Variants in INTS15 observed in about 807,000 individuals in gnomAD.
The protein encoded by INTS15 is uncharacterized protein C7orf26.
chr7:6,596,276 G>A, the INTS15 span, among the ~76,000 whole-genome samples: 1 of 151,482 alleles, frequency 6.6e-6, no homozygotes, highest in South Asian at 2.1e-4. Context: ...GGCTGGTCTC[G>A]AACTCCTGAC....
the INTS15 span, among the ~76,000 whole-genome samples, chr7:6,596,397 G>C: frequency 2.2e-3 from 47 of 21,044 alleles, no homozygotes; most frequent in African/African-American, 7.0e-3. Context: ...TTTTTTTTTT[G>C]AGACGGAATC....
chr7:6,602,469 C>G, the INTS15 span, among the ~76,000 whole-genome samples: 2 of 152,172 alleles, frequency 1.3e-5, no homozygotes, highest in Non-Finnish European at 2.9e-5. Context: ...GGAAGTCTCG[C>G]AGAGCCACAG....
the INTS15 span, among the ~76,000 whole-genome samples, chr7:6,590,817 C>CT: frequency 6.6e-6 from 1 of 151,762 alleles, no homozygotes; most frequent in Non-Finnish European, 1.5e-5. Context: ...CTTCTTACAT[C>CT]TTTTTCTTTT....
chr7:6,604,531 A>G, the INTS15 span, among the ~76,000 whole-genome samples: 1 of 152,114 alleles, frequency 6.6e-6, no homozygotes, highest in African/African-American at 2.4e-5. Flanking sequence ...GTCTTTAGCA[A>G]GGAGAAGCAG....
At chr7:6,597,751 A>G in the INTS15 span, among the ~76,000 whole-genome samples, 1 of 152,188 alleles carries the variant, frequency 6.6e-6, no homozygotes, top group Non-Finnish European at 1.5e-5. Flanking sequence ...TTAAGCCAGT[A>G]TGTCCGTTGA....
At chr7:6,600,224 G>T in the INTS15 span, 1 of 1,614,222 alleles carries the variant, frequency 6.2e-7, no homozygotes, top group East Asian at 2.2e-5. Flanking sequence ...GGTCCCGCTG[G>T]TAGAGGAGAT....
the INTS15 span, chr7:6,599,829 A>G: frequency 2.5e-6 from 4 of 1,611,566 alleles, no homozygotes; most frequent in Non-Finnish European, 3.4e-6. Flanking sequence ...TTGTTTGCAG[A>G]TGACCTCATT....
chr7:6,594,494 T>A, the INTS15 span: 1 of 1,614,066 alleles, frequency 6.2e-7, no homozygotes, highest in Non-Finnish European at 8.5e-7. Flanking sequence ...ACTACTGCTG[T>A]TTGGTGCCGG....
the INTS15 span, chr7:6,608,506 C>G: frequency 8.5e-7 from 1 of 1,179,616 alleles, no homozygotes; most frequent in Non-Finnish European, 1.1e-6. Context: ...GTGTGTCTGG[C>G]CTCTTTCCTC....
chr7:6,599,934 A>T, the INTS15 span: 7 of 1,614,064 alleles, frequency 4.3e-6, no homozygotes, highest in African/African-American at 8.0e-5. Context: ...ATTGCGGCCA[A>T]TCTGCCAATA....
the INTS15 span, among the ~76,000 whole-genome samples, chr7:6,595,925 A>G: frequency 5.5e-4 from 83 of 152,160 alleles, no homozygotes; most frequent in African/African-American, 2.0e-3. Context: ...AGGGCTGACA[A>G]ATAGTCTCTT....
chr7:6,592,985 C>G, the INTS15 span, among the ~76,000 whole-genome samples: 1 of 152,040 alleles, frequency 6.6e-6, no homozygotes, highest in Admixed American at 6.6e-5. Flanking sequence ...AGTTCACTGA[C>G]TCTCCTGAAT....
At chr7:6,602,043 T>C in the INTS15 span, 2 of 1,452,318 alleles carry the variant, frequency 1.4e-6, no homozygotes, top group Non-Finnish European at 1.9e-6. Context: ...AACGTCAGTG[T>C]GTATTTCACC....
chr7:6,599,700 C>T, the INTS15 span: 2 of 864,636 alleles, frequency 2.3e-6, no homozygotes, highest in South Asian at 3.3e-5. Flanking sequence ...AATAGCTAAG[C>T]CAGGAGGCGT....
the INTS15 span, chr7:6,600,399 G>A: frequency 1.3e-5 from 20 of 1,558,064 alleles, no homozygotes; most frequent in Admixed American, 1.1e-4. Flanking sequence ...CGGGGACACC[G>A]CCGCCCTGCA....
chr7:6,596,044 A>C, the INTS15 span, among the ~76,000 whole-genome samples: 2 of 116,058 alleles, frequency 1.7e-5, no homozygotes, highest in Non-Finnish European at 1.7e-5. Flanking sequence ...ACTATTTTTG[A>C]GCCTTCTTTT....
chr7:6,600,183 G>A, the INTS15 span: 1 of 1,614,196 alleles, frequency 6.2e-7, no homozygotes, highest in Non-Finnish European at 8.5e-7. Context: ...AATCTGTATG[G>A]GCGCCTGGGG....
chr7:6,608,194 G>C, the INTS15 span: 3 of 1,538,582 alleles, frequency 1.9e-6, no homozygotes, highest in Middle Eastern at 1.8e-4. Context: ...CGCTCTCGCT[G>C]GACGAAGCCT....
chr7:6,599,739 T>C, the INTS15 span: 3 of 1,304,024 alleles, frequency 2.3e-6, no homozygotes, highest in South Asian at 2.7e-5. Context: ...GGCAGTGCCA[T>C]GGGCCTTGGG....
Sources: gnomAD v4.1 joint callset for allele counts (sites outside exome capture counted in the v4.1 genomes callset) on GRCh38, gnomAD v4.1.1 for gene constraint, MANE v1.5 for transcripts, NCBI Gene and HGNC (gene_info 2026-07-23, HGNC 2026-07-21) for gene names.